Variants in RLF observed in about 807,000 individuals in gnomAD.
RLF encodes the protein RLF zinc finger, also known as zinc finger protein Rlf.
In RLF, 7 loss-of-function variants were observed where a neutral mutation model predicts 162.9. The observed-to-expected ratio is 0.04, with a 90% CI of 0.02 to 0.08. The LOEUF (loss-of-function observed/expected upper bound fraction) is 0.08. RLF is among the 10% of genes least tolerant of loss of function. The pLI is 1.00. For missense variants in RLF, 1,664 were observed against 2,244.7 expected (o/e 0.74, Z 5.23); for synonymous variants, 782 against 791.5 (o/e 0.99, Z 0.20).
intron 2 of RLF, 84 bp downstream of exon 2, chr1:40,189,293 C>A: frequency 1.8e-6 from 2 of 1,127,024 alleles, no homozygotes; most frequent in Non-Finnish European, 2.6e-6. Context: ...AGTGGCATCA[C>A]ATTTATTCTT....
intron 1 of RLF, among the ~76,000 whole-genome samples, chr1:40,187,097 T>C (rs1222749650): frequency 6.6e-6 from 1 of 151,878 alleles, no homozygotes; most frequent in Non-Finnish European, 1.5e-5. Flanking sequence ...AGTGGCGCAA[T>C]CTTGGCTCAC....
At chr1:40,162,591 A>G (rs554807768) in intron 1 of RLF, among the ~76,000 whole-genome samples, 2 of 152,334 alleles carry the variant, frequency 1.3e-5, no homozygotes, top group African/African-American at 2.4e-5. Context: ...GTAGTCCAGT[A>G]TGCTGAATAA....
At position 40,239,969 on chromosome 1, in the gene RLF, C is replaced by T. The variant is rs867737658; in HGVS notation, c.5267C>T (p.Pro1756Leu). The T allele has an allele frequency of 1.2e-6, 2 of 1,613,614 alleles. No individual in the cohort carries two copies. The highest frequency in any genetic ancestry group is 2.2e-5 in the East Asian group (1 of 44,878). ...PKENFRKHSQ[P>L]RSFDLKTYKP... The stretch of plus-strand genomic sequence containing the variant: ...GAGAATTTTAGGAAACATTCACAGC[C>T]CCGGTCATTTGATTTGAAGACTTAC... The change falls in exon 8 of 8, where the codon CCC becomes CTC. Residue 1756 changes from proline (P) to leucine (L), a missense_variant. Around this residue, in one of 15 missense-constraint regions of RLF, gnomAD observed 327 missense variants for 342.7 expected, o/e 0.95. Transcript: ENST00000372771.
chr1:40,203,385 G>T (rs1406704819), intron 5 of RLF, among the ~76,000 whole-genome samples: 1 of 151,698 alleles, frequency 6.6e-6, no homozygotes, highest in Admixed American at 6.6e-5. Flanking sequence ...ACTACTAAAA[G>T]TACAAACATT....
At chr1:40,222,481 A>G in intron 5 of RLF, 93 bp from the exon 6 acceptor site, 2 of 1,168,438 alleles carry the variant, frequency 1.7e-6, no homozygotes. Context: ...TATGTCTCTA[A>G]TTTTTGCCTC....
chr1:40,219,450 A>C lies in RLF; in HGVS notation c.811-3124A>C, dbSNP rs551635642. ...ACAGATATGAAAAAACTCTGGCTTC[A>C]GTTTTTCTCATTTGTAAAAATGATC... On this transcript the variant is annotated intron_variant, in intron 5 of 7. Coordinates refer to ENST00000372771, the MANE Select transcript of RLF (RefSeq NM_012421.4). 8.9e-4 allele frequency among the ~76,000 whole-genome samples: 135 copies of C among 152,300 alleles called. 1 individual carries two copies. The highest frequency in any genetic ancestry group is 3.0e-3 in the African/African-American group (125 of 41,564).
rs1304642679 is a variant in RLF at position 40,237,467 on chromosome 1, T to C, written c.2765T>C (p.Met922Thr). Residue 922 changes from methionine to threonine, a missense_variant, in exon 8 of 8, where the codon ATG becomes ACG. Met to Thr is a moderately conservative substitution (Grantham distance 81). Coordinates refer to ENST00000372771, the MANE Select transcript of RLF (RefSeq NM_012421.4). This position sits in a 1 kb window ranked among gnomAD's most constrained non-coding sequence, Gnocchi z 4.4. The stretch of plus-strand genomic sequence containing the variant: ...GACACACTAGATCACTCTGAAACTA[T>C]GCAGGATGTATTGTTATCTAATGAG... Reference protein sequence around the residue: ...LIDTLDHSETMQDVLLSNEKV... With the variant: ...LIDTLDHSETTQDVLLSNEKV... 1 of 1,614,092 alleles carries C rather than the reference T, an allele frequency of 6.2e-7. No individual in the cohort carries two copies. The highest frequency in any genetic ancestry group is 8.5e-7 in the Non-Finnish European group (1 of 1,180,002).
intron 5 of RLF, among the ~76,000 whole-genome samples, chr1:40,210,916 G>C (rs529612518): frequency 6.6e-6 from 1 of 152,200 alleles, no homozygotes. Context: ...TTTGGAAACA[G>C]GATTTTTCCT....
At chr1:40,181,530 T>G (rs1642404517) in intron 1 of RLF, among the ~76,000 whole-genome samples, 1 of 152,238 alleles carries the variant, frequency 6.6e-6, no homozygotes, top group Non-Finnish European at 1.5e-5. Context: ...ATACAAGGAT[T>G]TATTTCTTGG....
chr1:40,162,697 C>G (rs1350302405), intron 1 of RLF, among the ~76,000 whole-genome samples: 2 of 152,188 alleles, frequency 1.3e-5, no homozygotes, highest in East Asian at 1.9e-4. Flanking sequence ...TTTCTTCCCT[C>G]TCTCTGCCGA....
At chr1:40,222,536 C>T (rs762381592) in intron 5 of RLF, 38 bp from the exon 6 acceptor site, 2 of 1,598,244 alleles carry the variant, frequency 1.3e-6, no homozygotes, top group Non-Finnish European at 8.5e-7. Context: ...TGAAAAGTCA[C>T]CATTTTCTTT....
intron 5 of RLF, among the ~76,000 whole-genome samples, chr1:40,203,960 C>A (rs1236056070): frequency 6.6e-6 from 1 of 151,874 alleles, no homozygotes; most frequent in East Asian, 1.9e-4. Context: ...CTTATGTATT[C>A]ACTTCCCTAT....
At chr1:40,178,286 G>C (rs915977624) in intron 1 of RLF, among the ~76,000 whole-genome samples, 5 of 151,952 alleles carry the variant, frequency 3.3e-5, no homozygotes, top group African/African-American at 1.2e-4. Flanking sequence ...TGTCTACTCT[G>C]ATGCCAATAC....
At position 40,202,438 on chromosome 1, in the gene RLF, C is replaced by A; in HGVS notation, c.634C>A (p.Pro212Thr). ...CAATAAATTGATTGCACAAGAAGGACCTTCCTTTCTGCAAATGCGAATAAA... is the reference window on the plus strand; with the variant it reads ...CAATAAATTGATTGCACAAGAAGGAACTTCCTTTCTGCAAATGCGAATAAA... ...EVNKLIAQEGPSFLQMRIKHL... is the reference protein window; with the variant it reads ...EVNKLIAQEGTSFLQMRIKHL... The change falls in exon 5 of 8, where the codon CCT becomes ACT. Residue 212 changes from proline (P) to threonine (T), a missense_variant. Coordinates refer to ENST00000372771, the MANE Select transcript of RLF (RefSeq NM_012421.4). 1.3e-6 allele frequency: 2 copies of A among 1,575,780 alleles called. No individual in the cohort carries two copies. Among genetic ancestry groups the A allele is most frequent in the South Asian group, 1.2e-5 (1 of 83,322 alleles).
At chr1:40,218,437 T>A (rs978530885) in intron 5 of RLF, among the ~76,000 whole-genome samples, 1 of 152,214 alleles carries the variant, frequency 6.6e-6, no homozygotes, top group African/African-American at 2.4e-5. Context: ...AGTGTATGAT[T>A]TAGCTCTATC....
intron 6 of RLF, among the ~76,000 whole-genome samples, chr1:40,226,826 A>G (rs1334943648): frequency 6.6e-6 from 1 of 152,136 alleles, no homozygotes; most frequent in Non-Finnish European, 1.5e-5. Context: ...CTATGTAGAA[A>G]CACAGAGTGA....
intron 1 of RLF, among the ~76,000 whole-genome samples, chr1:40,175,973 A>G (rs1274237825): frequency 6.6e-6 from 1 of 152,118 alleles, no homozygotes; most frequent in African/African-American, 2.4e-5. Context: ...CTGTCTCTAT[A>G]AATTAGATTG....
intron 5 of RLF, among the ~76,000 whole-genome samples, chr1:40,211,871 G>T (rs758400272): frequency 6.6e-6 from 1 of 152,032 alleles, no homozygotes; most frequent in Non-Finnish European, 1.5e-5. Context: ...CCTGTTATCC[G>T]CCCGCCTCGG....
intron 1 of RLF, among the ~76,000 whole-genome samples, chr1:40,186,108 A>G (rs59720867): frequency 6.6e-6 from 1 of 151,976 alleles, no homozygotes; most frequent in Non-Finnish European, 1.5e-5. Flanking sequence ...CAGTGAGCCG[A>G]GATTTCACCA....
Sources: allele counts gnomAD v4.1 joint callset (sites outside exome capture counted in the v4.1 genomes callset), GRCh38; gene constraint gnomAD v4.1.1; regional missense constraint gnomAD v4.1.1; non-coding constraint Gnocchi (gnomAD v3.1); transcripts MANE v1.5; gene names NCBI Gene and HGNC (gene_info 2026-07-23, HGNC 2026-07-21).